Variants in LRRC7 observed in about 807,000 individuals in gnomAD.
LRRC7 encodes the protein leucine-rich repeat-containing protein 7.
A neutral mutation model predicts 175.7 loss-of-function variants in LRRC7; 23 were observed. The ratio of observed to expected loss-of-function variants is 0.13; its 90% CI spans 0.09 to 0.19. LRRC7 has a LOEUF of 0.19. LRRC7 is among the 10% of genes least tolerant of loss of function. LRRC7 has a pLI of 1.00. For missense variants in LRRC7, 1,354 were observed against 1,904.7 expected (o/e 0.71, Z 5.38); for synonymous variants, 685 against 680.9 (o/e 1.01, Z -0.09).
At chr1:69,751,803 G>A (rs188258014) in intron 2 of LRRC7, among the ~76,000 whole-genome samples, 46 of 152,266 alleles carry the variant, frequency 3.0e-4, no homozygotes, top group Admixed American at 2.6e-4. Flanking sequence ...CTAATTTGCC[G>A]TAAGTAGAAC....
intron 2 of LRRC7, among the ~76,000 whole-genome samples, chr1:69,722,769 A>G (rs1666501581): frequency 6.6e-6 from 1 of 151,970 alleles, no homozygotes. Flanking sequence ...TAAATTGTAT[A>G]TTGATATTCT....
chr1:69,678,314 C>A, intron 1 of LRRC7, 67 bp from the exon 2 acceptor site: 2 of 1,141,066 alleles, frequency 1.8e-6, no homozygotes, highest in Non-Finnish European at 2.6e-6. Context: ...AATTTTAGAC[C>A]ATTTAACTTG....
intron 4 of LRRC7, among the ~76,000 whole-genome samples, chr1:69,806,154 C>A (rs905616002): frequency 6.6e-6 from 1 of 151,894 alleles, no homozygotes; most frequent in Non-Finnish European, 1.5e-5. Flanking sequence ...TCCACAATAG[C>A]CCCTATCGAT....
chr1:70,018,161 C>A (rs1248061919), intron 14 of LRRC7, among the ~76,000 whole-genome samples: 1 of 151,928 alleles, frequency 6.6e-6, no homozygotes, highest in African/African-American at 2.4e-5. Flanking sequence ...TTTCTGAAAT[C>A]AAACTAATAA....
chr1:69,827,516 T>C (rs557345027), intron 5 of LRRC7, among the ~76,000 whole-genome samples: 5 of 152,292 alleles, frequency 3.3e-5, no homozygotes, highest in African/African-American at 9.6e-5. Context: ...GTTTATCAAA[T>C]TTTAAAGTCA....
intron 18 of LRRC7, among the ~76,000 whole-genome samples, chr1:70,034,625 A>G (rs988672504): frequency 5.9e-5 from 9 of 152,140 alleles, no homozygotes; most frequent in Non-Finnish European, 1.3e-4. Flanking sequence ...ACCAGGAGGC[A>G]GCACAAGGTA....
chr1:70,082,781 ATTTTTTTTTT>A (rs1172403797), intron 24 of LRRC7, among the ~76,000 whole-genome samples: 32 of 52,308 alleles, frequency 6.1e-4, no homozygotes, highest in Admixed American at 1.2e-3. Flanking sequence ...ATACCAGTAC[ATTTTTTTTTT>A]TTTTTTTTTT....
chr1:69,863,718 T>C (rs928530246), intron 7 of LRRC7, among the ~76,000 whole-genome samples: 2 of 152,196 alleles, frequency 1.3e-5, no homozygotes, highest in African/African-American at 4.8e-5. Flanking sequence ...TCTATTACCA[T>C]TGCATTAGTT....
intron 2 of LRRC7, among the ~76,000 whole-genome samples, chr1:69,744,836 T>C (rs1017992091): frequency 6.6e-6 from 1 of 151,830 alleles, no homozygotes; most frequent in Non-Finnish European, 1.5e-5. Context: ...TATCATGCTA[T>C]TATAAAAATA....
At chr1:69,858,671 T>G (rs573603366) in intron 7 of LRRC7, among the ~76,000 whole-genome samples, 2 of 152,220 alleles carry the variant, frequency 1.3e-5, no homozygotes, top group South Asian at 4.1e-4. Context: ...AGGATCCAGA[T>G]GACAACTGCT....
rs542025806 is a variant in LRRC7 at position 70,099,975 on chromosome 1, A to C, written c.4546-7777A>C. On this transcript the variant is annotated intron_variant, in intron 25 of 26. Coordinates refer to ENST00000651989, the MANE Select transcript of LRRC7 (RefSeq NM_001370785.2). ...AATCCAGAAGGATTGTAAGTGAATG[A>C]ATATGATTATTGACTTTTAAAAGAA... Among the ~76,000 whole-genome samples, 8 of 152,274 alleles carry C rather than the reference A, an allele frequency of 5.3e-5. No individual in the cohort carries two copies. The South Asian group carries it at 1.7e-3, about 32-fold the overall frequency.
At chr1:70,111,648 A>C (rs1268693787) in intron 26 of LRRC7, among the ~76,000 whole-genome samples, 1 of 152,216 alleles carries the variant, frequency 6.6e-6, no homozygotes, top group Admixed American at 6.5e-5. Flanking sequence ...ATATATGAAT[A>C]CAGAAAATCT....
At chr1:69,746,651 T>C (rs892907566) in intron 2 of LRRC7, among the ~76,000 whole-genome samples, 1 of 152,072 alleles carries the variant, frequency 6.6e-6, no homozygotes, top group Non-Finnish European at 1.5e-5. Context: ...GTCTGCCATC[T>C]ATTAGGAGTA....
intron 2 of LRRC7, among the ~76,000 whole-genome samples, chr1:69,711,716 A>G (rs950736225): frequency 1.8e-4 from 27 of 152,192 alleles, no homozygotes; most frequent in African/African-American, 5.5e-4. Flanking sequence ...AACACTTGAT[A>G]AATATTACAG....
chr1:70,091,795 A>G (rs1376502426), intron 25 of LRRC7, among the ~76,000 whole-genome samples: 7 of 152,212 alleles, frequency 4.6e-5, no homozygotes, highest in Non-Finnish European at 1.0e-4. Context: ...AAGCACTTGA[A>G]TTGTATAATG....
chr1:69,628,944 C>G (rs1009171741), intron 1 of LRRC7, among the ~76,000 whole-genome samples: 9 of 152,034 alleles, frequency 5.9e-5, no homozygotes, highest in African/African-American at 2.2e-4. Context: ...AGACACAGAC[C>G]TTACACCCTT....
intron 3 of LRRC7, among the ~76,000 whole-genome samples, chr1:69,763,432 C>T (rs1267984980): frequency 6.6e-6 from 1 of 152,062 alleles, no homozygotes; most frequent in Non-Finnish European, 1.5e-5. Context: ...CTGCAGATCT[C>T]ATTGGCGTTA....
At chr1:70,107,146 T>C (rs1202963498) in intron 25 of LRRC7, among the ~76,000 whole-genome samples, 1 of 152,240 alleles carries the variant, frequency 6.6e-6, no homozygotes. Context: ...ATAAACTGCA[T>C]TAATCAATTT....
intron 2 of LRRC7, among the ~76,000 whole-genome samples, chr1:69,747,349 A>G (rs1004229316): frequency 1.3e-5 from 2 of 152,184 alleles, no homozygotes; most frequent in African/African-American, 4.8e-5. Context: ...GTGCAAAGGC[A>G]TGGGACATAA....
Sources: gnomAD v4.1 joint callset for allele counts (sites outside exome capture counted in the v4.1 genomes callset) on GRCh38, gnomAD v4.1.1 for gene constraint, MANE v1.5 for transcripts, NCBI Gene and HGNC (gene_info 2026-07-23, HGNC 2026-07-21) for gene names.